The following STIM1 variants were observed in gnomAD, a reference collection of about 807,000 sequenced individuals.
The protein encoded by STIM1 is stromal interaction molecule 1.
Under a neutral mutation model 74.7 loss-of-function variants are expected in STIM1, and 25 were observed. The ratio of observed to expected loss-of-function variants is 0.33; its 90% CI spans 0.24 to 0.47. STIM1 has a LOEUF of 0.47. STIM1 is among the 20% of genes least tolerant of loss of function. The pLI is 1.00. For synonymous variants in STIM1, 328 were observed against 348.8 expected, an observed-to-expected ratio of 0.94 and a Z score of 0.66; for missense variants, 728 against 920.8, an observed-to-expected ratio of 0.79 and a Z score of 2.71.
rs563271899 is a variant in STIM1, at chr11:3,860,143, G to A, written c.139+3734G>A. Reference sequence around the variant, plus strand: ...GAAAATGTCATGGAAGAAATAAACAGGATGCTATCATGGAGAATGAGAGGG... The same window carrying A: ...GAAAATGTCATGGAAGAAATAAACAAGATGCTATCATGGAGAATGAGAGGG... On this transcript the variant is annotated intron_variant, in intron 1 of 12. Transcript: ENST00000526596. 1.5e-3 allele frequency among the ~76,000 whole-genome samples: 229 copies of A among 152,230 alleles called. 3 individuals are homozygous for A. Among genetic ancestry groups the A allele is most frequent in the African/African-American group, 5.2e-3 (216 of 41,524 alleles).
At chr11:3,885,997 G>C (rs1045523136) in intron 1 of STIM1, among the ~76,000 whole-genome samples, 11 of 152,142 alleles carry the variant, frequency 7.2e-5, no homozygotes, top group African/African-American at 2.4e-4. Flanking sequence ...ATCAATGAAG[G>C]TGTTGAGGAT....
intron 1 of STIM1, among the ~76,000 whole-genome samples, chr11:3,870,869 CTTT>C (rs1178631644): frequency 3.1e-5 from 3 of 98,124 alleles, no homozygotes; most frequent in African/African-American, 3.8e-5. Context: ...ATCAGCTACT[CTTT>C]TTTTTTTTTT....
intron 2 of STIM1, among the ~76,000 whole-genome samples, chr11:3,979,448 A>G (rs1273658384): frequency 1.3e-5 from 2 of 151,968 alleles, no homozygotes; most frequent in Admixed American, 1.3e-4. Flanking sequence ...TTTTTCATTG[A>G]AATATATTTT....
intron 1 of STIM1, among the ~76,000 whole-genome samples, chr11:3,914,731 C>T (rs1261135166): frequency 2.0e-5 from 3 of 152,168 alleles, no homozygotes; most frequent in African/African-American, 4.8e-5. Context: ...TGAGCTACCG[C>T]CCCTGGCCTG....
At chr11:4,045,714 T>C (rs1200780270) in intron 3 of STIM1, among the ~76,000 whole-genome samples, 1 of 151,654 alleles carries the variant, frequency 6.6e-6, no homozygotes, top group Non-Finnish European at 1.5e-5. Context: ...AGCCTCCCTA[T>C]GTGCTGGGAT....
chr11:4,031,176 C>G (rs1802394413), intron 3 of STIM1, among the ~76,000 whole-genome samples: 1 of 152,186 alleles, frequency 6.6e-6, no homozygotes, highest in Non-Finnish European at 1.5e-5. Flanking sequence ...TGGCCACTTT[C>G]ACTCAGTGTA....
At chr11:3,862,070 C>T (rs1466641604) in intron 1 of STIM1, among the ~76,000 whole-genome samples, 1 of 151,960 alleles carries the variant, frequency 6.6e-6, no homozygotes, top group Non-Finnish European at 1.5e-5. Flanking sequence ...CAAACTGGGC[C>T]TCCAGAGCTT....
At chr11:3,860,067 T>C (rs541176478) in intron 1 of STIM1, among the ~76,000 whole-genome samples, 2 of 152,346 alleles carry the variant, frequency 1.3e-5, no homozygotes, top group South Asian at 2.1e-4. Flanking sequence ...GAAGTTACAG[T>C]CTTGTTGATG....
chr11:4,064,339 C>T (rs2094351539), intron 5 of STIM1, among the ~76,000 whole-genome samples: 1 of 152,080 alleles, frequency 6.6e-6, no homozygotes, highest in African/African-American at 2.4e-5. Flanking sequence ...CTTTATTTCC[C>T]CTCTGAGCAT....
chr11:4,084,764 C>G lies in STIM1; in HGVS notation c.1566C>G (p.Pro522=). The change falls in exon 11 of 13, where the codon CCC becomes CCG. Residue 522 remains proline, a splice_region_variant and synonymous_variant. Transcript: ENST00000526596. ...GSDDQSLWKY[P]APSLQSSVRQ... ...ATGATCAGTCCCTCTGGAAATACCC[C>G]GGTTTGAGGAGCCCCTTTGGGGCAT... 1 of 1,289,370 alleles carries G rather than the reference C, an allele frequency of 7.8e-7. No homozygotes were observed. Among genetic ancestry groups the G allele is most frequent in the South Asian group, 1.2e-5 (1 of 81,030 alleles). The allele number at this position is 1,289,370 out of a possible 1,614,324, so 79.9% of individuals were successfully genotyped here. A position where few individuals can be genotyped will look rare whatever the true frequency, so the allele number is the denominator to read the frequency against.
chr11:4,061,136 T>G (rs923505936), intron 5 of STIM1, among the ~76,000 whole-genome samples: 1 of 152,212 alleles, frequency 6.6e-6, no homozygotes, highest in Admixed American at 6.5e-5. Flanking sequence ...CAAAATCAGA[T>G]TTATCATGTC....
intron 7 of STIM1, among the ~76,000 whole-genome samples, chr11:4,079,327 A>C (rs1358242226): frequency 6.6e-6 from 1 of 151,002 alleles, no homozygotes; most frequent in Non-Finnish European, 1.5e-5. Flanking sequence ...TAATCCCAGC[A>C]CTTTGGGAGG....
At chr11:3,954,340 C>G (rs2093185372) in intron 1 of STIM1, among the ~76,000 whole-genome samples, 1 of 152,130 alleles carries the variant, frequency 6.6e-6, no homozygotes, top group Admixed American at 6.6e-5. Context: ...ACAAGTTTTT[C>G]TGTGCATTTG....
At chr11:4,070,813 A>G (rs1431067273) in intron 6 of STIM1, among the ~76,000 whole-genome samples, 4 of 152,238 alleles carry the variant, frequency 2.6e-5, no homozygotes, top group Non-Finnish European at 5.9e-5. Context: ...AAACTATGGC[A>G]GAAGATTTAA....
chr11:3,910,250 A>G (rs1195679757), intron 1 of STIM1, among the ~76,000 whole-genome samples: 1 of 152,216 alleles, frequency 6.6e-6, no homozygotes, highest in Non-Finnish European at 1.5e-5. Context: ...GGTCATAATG[A>G]CCTGTGTTCC....
chr11:3,965,677 G>A (rs2093333047), intron 1 of STIM1, among the ~76,000 whole-genome samples: 1 of 152,178 alleles, frequency 6.6e-6, no homozygotes, highest in African/African-American at 2.4e-5. Context: ...ATTTCTTTTT[G>A]TATGCATACT....
chr11:3,935,020 G>C (rs2092915877), intron 1 of STIM1, among the ~76,000 whole-genome samples: 1 of 152,228 alleles, frequency 6.6e-6, no homozygotes, highest in Non-Finnish European at 1.5e-5. Flanking sequence ...AGCTGAAAGG[G>C]ATCTCTACAG....
rs35939527 is a variant in STIM1 at position 4,045,762 on chromosome 11, CT to C, written c.386-9743del. On this transcript the variant is annotated intron_variant, in intron 3 of 12. Coordinates refer to ENST00000526596, the MANE Select transcript of STIM1 (RefSeq NM_001382567.1). ...CCACCAAGTCCATCCCTCAACACTT[CT>C]TTTTTTTTTTTTTTTTTTTTGAGAC... Among the ~76,000 whole-genome samples the C allele has an allele frequency of 4.0e-3, 413 of 104,502 alleles. 3 individuals are homozygous for C. The highest frequency in any genetic ancestry group is 9.3e-3 in the South Asian group (27 of 2,908). 68.6% of individuals were successfully genotyped at this position (104,502 alleles called of 152,430 possible). A position where few individuals can be genotyped will look rare whatever the true frequency, so the allele number is the denominator to read the frequency against.
intron 10 of STIM1, among the ~76,000 whole-genome samples, chr11:4,083,871 G>T (rs1219931245): frequency 6.6e-6 from 1 of 152,010 alleles, no homozygotes; most frequent in Admixed American, 6.5e-5. Flanking sequence ...TTTGATTTTT[G>T]TTCCTTATTC....
Sources: gnomAD v4.1 joint callset for allele counts (sites outside exome capture counted in the v4.1 genomes callset) on GRCh38, gnomAD v4.1.1 for gene constraint, MANE v1.5 for transcripts, NCBI Gene and HGNC (gene_info 2026-07-23, HGNC 2026-07-21) for gene names.